PPP3CA: variants seen among roughly 807,000 people sequenced by gnomAD.
PPP3CA encodes protein phosphatase 3 catalytic subunit alpha.
Under a neutral mutation model 66.5 loss-of-function variants are expected in PPP3CA, and 14 were observed. The ratio of observed to expected loss-of-function variants is 0.21; its 90% CI spans 0.14 to 0.33. PPP3CA has a LOEUF of 0.33. Ranked by LOEUF, PPP3CA falls within the 10% of genes least tolerant of loss-of-function variation. The pLI, the probability that PPP3CA is intolerant of heterozygous loss-of-function variation, is 1.00. For missense variants in PPP3CA, 317 were observed against 639.5 expected (o/e 0.50, Z 5.44); for synonymous variants, 232 against 226.2 (o/e 1.03, Z -0.23).
intron 11 of PPP3CA, among the ~76,000 whole-genome samples, chr4:101,035,114 T>G (rs757523321): frequency 6.6e-6 from 1 of 151,712 alleles, no homozygotes; most frequent in Non-Finnish European, 1.5e-5. Flanking sequence ...AAAAAATATA[T>G]AAAAATTAGC....
At chr4:101,171,563 T>A (rs1723882330) in intron 2 of PPP3CA, among the ~76,000 whole-genome samples, 2 of 152,076 alleles carry the variant, frequency 1.3e-5, no homozygotes, top group Admixed American at 1.3e-4. Flanking sequence ...ATTATCCCCA[T>A]TCTGCAGGAA....
intron 1 of PPP3CA, among the ~76,000 whole-genome samples, chr4:101,227,510 G>A (rs1445862400): frequency 6.6e-6 from 1 of 151,640 alleles, no homozygotes; most frequent in African/African-American, 2.4e-5. Flanking sequence ...TCACACTAGT[G>A]GTGCTTAGAG....
chr4:101,213,829 T>G (rs1456468830), intron 1 of PPP3CA, among the ~76,000 whole-genome samples: 1 of 152,152 alleles, frequency 6.6e-6, no homozygotes, highest in African/African-American at 2.4e-5. Context: ...CTCGCTATAT[T>G]AATCTGAAAA....
chr4:101,056,163 T>TA (rs1728214459), intron 10 of PPP3CA, among the ~76,000 whole-genome samples: 1 of 152,022 alleles, frequency 6.6e-6, no homozygotes, highest in Non-Finnish European at 1.5e-5. Context: ...GTTTTCAACT[T>TA]ACTGAGTCTG....
At chr4:101,142,508 C>G (rs1477937354) in intron 2 of PPP3CA, among the ~76,000 whole-genome samples, 1 of 152,150 alleles carries the variant, frequency 6.6e-6, no homozygotes, top group Non-Finnish European at 1.5e-5. Flanking sequence ...GGGACCAACA[C>G]TATACAATGC....
chr4:101,316,896 T>C (rs898545398), intron 1 of PPP3CA, among the ~76,000 whole-genome samples: 2 of 152,310 alleles, frequency 1.3e-5, no homozygotes, highest in South Asian at 4.1e-4. Context: ...GTAAAGCATT[T>C]GAGAAAAACA....
chr4:101,211,844 T>G (rs999475011), intron 1 of PPP3CA, among the ~76,000 whole-genome samples: 1 of 152,188 alleles, frequency 6.6e-6, no homozygotes, highest in South Asian at 2.1e-4. Flanking sequence ...GAGCTCTACA[T>G]GCAACAAACT....
intron 1 of PPP3CA, among the ~76,000 whole-genome samples, chr4:101,306,470 C>G (rs1018985257): frequency 9.2e-5 from 14 of 151,952 alleles, no homozygotes; most frequent in African/African-American, 2.9e-4. Context: ...GGAGGTAAAG[C>G]CAAAGTGAGA....
Position 101,098,532 on chromosome 4 carries a change from G to T in PPP3CA, c.497-20C>A, listed in dbSNP as rs540323683. 2 of 1,571,990 alleles carry T rather than the reference G, an allele frequency of 1.3e-6. No homozygotes were observed. The highest frequency in any genetic ancestry group is 8.6e-7 in the Non-Finnish European group (1 of 1,159,956). On this transcript the variant is annotated intron_variant, in intron 4 of 13. Coordinates refer to ENST00000394854, the MANE Select transcript of PPP3CA (RefSeq NM_000944.5). ...TTTTACCTTTTAGAAGTGATTAAAA[G>T]AATACTTATGATTTATAGGCAGGAT... is the stretch of plus-strand genomic sequence containing the variant.
chr4:101,300,839 T>C (rs1728353033), intron 1 of PPP3CA, among the ~76,000 whole-genome samples: 2 of 152,308 alleles, frequency 1.3e-5, no homozygotes, highest in South Asian at 4.1e-4. Context: ...TGGATTGTAC[T>C]GTATATCTGC....
intron 1 of PPP3CA, among the ~76,000 whole-genome samples, chr4:101,213,433 T>C (rs950439828): frequency 1.3e-5 from 2 of 152,254 alleles, no homozygotes; most frequent in South Asian, 2.1e-4. Context: ...TTCAAACCAA[T>C]GATGGATAAG....
At chr4:101,325,626 T>C (rs1182556771) in intron 1 of PPP3CA, among the ~76,000 whole-genome samples, 4 of 152,188 alleles carry the variant, frequency 2.6e-5, no homozygotes, top group Non-Finnish European at 5.9e-5. Context: ...AGTTATTGCA[T>C]TGATCTTTTT....
At chr4:101,265,074 T>G (rs528259634) in intron 1 of PPP3CA, among the ~76,000 whole-genome samples, 1 of 152,280 alleles carries the variant, frequency 6.6e-6, no homozygotes, top group Admixed American at 6.5e-5. Context: ...AGAATTTGGC[T>G]GAATTTTGTT....
chr4:101,066,797 T>C (rs79392004), intron 8 of PPP3CA, among the ~76,000 whole-genome samples: 2,273 of 152,244 alleles, frequency 0.015, 58 homozygotes, highest in African/African-American at 0.048. Flanking sequence ...CCGACTGTCA[T>C]TGGGATTACA....
intron 3 of PPP3CA, among the ~76,000 whole-genome samples, chr4:101,106,377 GA>G (rs781026862): frequency 9.1e-4 from 2 of 2,208 alleles, no homozygotes; most frequent in Admixed American, 0.016. Flanking sequence ...AGAGAGAAAA[GA>G]AAGAAAGAAA....
intron 10 of PPP3CA, among the ~76,000 whole-genome samples, chr4:101,043,646 G>A (rs1424265080): frequency 6.6e-6 from 1 of 152,032 alleles, no homozygotes; most frequent in Non-Finnish European, 1.5e-5. Flanking sequence ...AGACTGAGGT[G>A]GGCGGATCAC....
rs942624516 is a variant in PPP3CA at position 101,027,410 on chromosome 4, T to C, written c.1370-1349A>G. ...TCATTAAAAGATGAGAAATAGTTTT[T>C]CCCCCCTCTGCATTTTAAAGGTTAG... On this transcript the variant is annotated intron_variant, in intron 13 of 13. Coordinates refer to ENST00000394854, the MANE Select transcript of PPP3CA (RefSeq NM_000944.5). Among the ~76,000 whole-genome samples, 3 of 151,988 alleles carry C rather than the reference T, an allele frequency of 2.0e-5. No individual in the cohort carries two copies. The East Asian group carries it at 5.8e-4, about 29-fold the overall frequency.
chr4:101,289,168 CAAAAAT>C (rs1461023899), intron 1 of PPP3CA, among the ~76,000 whole-genome samples: 1 of 152,092 alleles, frequency 6.6e-6, no homozygotes, highest in Admixed American at 6.5e-5. Flanking sequence ...AAAGTTACAA[CAAAAAT>C]AACTCTACAG....
At chr4:101,120,949 C>A (rs1722007060) in intron 2 of PPP3CA, among the ~76,000 whole-genome samples, 1 of 151,918 alleles carries the variant, frequency 6.6e-6, no homozygotes, top group South Asian at 2.1e-4. Flanking sequence ...CAGTATACCA[C>A]AAATATCTAA....
Sources: gnomAD v4.1 joint callset for allele counts (sites outside exome capture counted in the v4.1 genomes callset) on GRCh38, gnomAD v4.1.1 for gene constraint, MANE v1.5 for transcripts, NCBI Gene and HGNC (gene_info 2026-07-23, HGNC 2026-07-21) for gene names.